LARGE1: variants seen among roughly 807,000 people sequenced by gnomAD.
The protein encoded by LARGE1 is LARGE xylosyl- and glucuronyltransferase 1.
In LARGE1, 43 loss-of-function variants were observed where a neutral mutation model predicts 87.6. The ratio of observed to expected loss-of-function variants is 0.49; its 90% CI spans 0.38 to 0.63. The LOEUF is 0.63. LARGE1 is among the 30% of genes least tolerant of loss of function. LARGE1 has a pLI of 0.00. For synonymous variants in LARGE1, 434 were observed against 394.6 expected, an observed-to-expected ratio of 1.10 and a Z score of -1.18; for missense variants, 802 against 1,000.2, an observed-to-expected ratio of 0.80 and a Z score of 2.67.
chr22:33,799,940 G>A (rs1480741303), intron 1 of LARGE1, among the ~76,000 whole-genome samples: 1 of 152,170 alleles, frequency 6.6e-6, no homozygotes, highest in Non-Finnish European at 1.5e-5. Context: ...GCTCACATGT[G>A]CATGTGGTGG....
At chr22:33,613,542 G>A (rs185359271) in intron 4 of LARGE1, among the ~76,000 whole-genome samples, 156 of 152,222 alleles carry the variant, frequency 1.0e-3, no homozygotes, top group African/African-American at 3.6e-3. Flanking sequence ...GCCCAGGCTG[G>A]AGTGCAATGG....
chr22:33,233,763 A>G (rs1926123296), intron 11 of LARGE1, among the ~76,000 whole-genome samples: 2 of 152,190 alleles, frequency 1.3e-5, no homozygotes, highest in Admixed American at 6.5e-5. Context: ...ACCAATGGAA[A>G]TTTATACATA....
chr22:33,571,063 TGA>T lies in LARGE1; in HGVS notation c.616-6046_616-6045del, dbSNP rs767155864. Among the ~76,000 whole-genome samples, 139 of 152,242 alleles carry T rather than the reference TGA, an allele frequency of 9.1e-4. 1 individual carries two copies. The highest frequency in any genetic ancestry group is 1.7e-3 in the Non-Finnish European group (118 of 68,020). On this transcript the variant is annotated intron_variant, in intron 5 of 14. Transcript: ENST00000397394. ...CGTGTAATTAAAATGATAATAAAAA[TGA>T]GAGTTAGTTTATTTTAATGGGCAGA...
chr22:33,287,369 C>T (rs1463013153), intron 12 of LARGE1, among the ~76,000 whole-genome samples: 3 of 152,188 alleles, frequency 2.0e-5, no homozygotes, highest in Non-Finnish European at 4.4e-5. Context: ...ATAGATAGCA[C>T]CAGATTCCAG....
intron 13 of LARGE1, among the ~76,000 whole-genome samples, chr22:33,279,777 T>G (rs1436131108): frequency 6.6e-6 from 1 of 152,194 alleles, no homozygotes. Flanking sequence ...AGCAGTTGCT[T>G]TTCCATTTGT....
the LARGE1 span, among the ~76,000 whole-genome samples, chr22:33,143,413 A>C: frequency 6.6e-6 from 1 of 152,198 alleles, no homozygotes; most frequent in Non-Finnish European, 1.5e-5. Flanking sequence ...ATGTTTCAAA[A>C]ATCAAGCAGA....
chr22:33,271,841 A>G (rs1276940673), downstream of LARGE1, among the ~76,000 whole-genome samples: 1 of 152,218 alleles, frequency 6.6e-6, no homozygotes, highest in Non-Finnish European at 1.5e-5. Context: ...TCCAGCCTTC[A>G]GTGAGATTGG....
chr22:33,333,372 T>C (rs1048705711), intron 10 of LARGE1, among the ~76,000 whole-genome samples: 17 of 152,130 alleles, frequency 1.1e-4, no homozygotes, highest in African/African-American at 4.1e-4. Flanking sequence ...TTTCATCCTC[T>C]ACCTTGAGTG....
intron 7 of LARGE1, among the ~76,000 whole-genome samples, chr22:33,407,796 G>A (rs1332722636): frequency 3.3e-5 from 5 of 152,092 alleles, no homozygotes; most frequent in East Asian, 1.9e-4. Flanking sequence ...CTTTGGAAGC[G>A]AAAAGGACTC....
intron 7 of LARGE1, among the ~76,000 whole-genome samples, chr22:33,387,975 C>A (rs1250388781): frequency 6.6e-6 from 1 of 152,152 alleles, no homozygotes; most frequent in East Asian, 1.9e-4. Context: ...GCCAGTATTC[C>A]CAGGGGTCTG....
At chr22:33,159,037 T>C (rs1427679646), downstream of LARGE1, among the ~76,000 whole-genome samples, 3 of 152,224 alleles carry the variant, frequency 2.0e-5, no homozygotes, top group Non-Finnish European at 4.4e-5. Context: ...TTCTCATCCC[T>C]ATAATCAAAT....
rs1260433973 is a variant in LARGE1 at position 33,586,479 on chromosome 22, G to A, written c.615+17956C>T. 2.7e-5 allele frequency among the ~76,000 whole-genome samples: 4 copies of A among 148,398 alleles called. No homozygotes were observed. In the East Asian group the frequency reaches 5.9e-4, roughly 22 times the overall value. Reference sequence around the variant, plus strand: ...TTCTTTTTTTTTTTTTTTTTCAGACGGAGTCTTGCTCTGTCGCCCAGGCTG... The same window carrying A: ...TTCTTTTTTTTTTTTTTTTTCAGACAGAGTCTTGCTCTGTCGCCCAGGCTG... On this transcript the variant is annotated intron_variant, in intron 5 of 14. Coordinates refer to ENST00000397394, the MANE Select transcript of LARGE1 (RefSeq NM_133642.5).
chr22:33,154,688 C>CT, the LARGE1 span, among the ~76,000 whole-genome samples: 96 of 151,336 alleles, frequency 6.3e-4, no homozygotes, highest in African/African-American at 1.8e-3. Flanking sequence ...ATAAGTTAGT[C>CT]TTTTTTTTTC....
chr22:33,775,503 G>C (rs967621505), intron 1 of LARGE1, among the ~76,000 whole-genome samples: 1 of 10,048 alleles, frequency 1.0e-4, no homozygotes, highest in African/African-American at 4.9e-4. Context: ...TTCTCAATAG[G>C]GGGTAATTTA....
At chr22:33,492,731 C>T (rs535420020) in intron 6 of LARGE1, among the ~76,000 whole-genome samples, 33 of 152,142 alleles carry the variant, frequency 2.2e-4, no homozygotes, top group Non-Finnish European at 8.8e-5. Flanking sequence ...ATCAATTGTG[C>T]ACATTTTAAA....
the LARGE1 span, among the ~76,000 whole-genome samples, chr22:33,098,080 G>A: frequency 5.3e-5 from 8 of 152,168 alleles, no homozygotes; most frequent in Admixed American, 1.3e-4. Context: ...GCCAAGGCAG[G>A]AAGATCTCTT....
At chr22:33,384,380 A>T in intron 7 of LARGE1, 76 bp from the exon 8 acceptor site, 1 of 1,015,432 alleles carries the variant, frequency 9.8e-7, no homozygotes, top group Non-Finnish European at 1.5e-6. Flanking sequence ...TACTCACATC[A>T]CAGCCACAGT....
Position 33,761,361 on chromosome 22 carries a change from C to T in LARGE1, c.106+10G>A. ...CCCTCCTTCCCTCTCACTTTGGCTT[C>T]CATTCTTACCTTCGAAGCTCCCAGA... On this transcript the variant is annotated intron_variant, in intron 2 of 14. Coordinates refer to ENST00000397394, the MANE Select transcript of LARGE1 (RefSeq NM_133642.5). 2.5e-6 allele frequency: 4 copies of T among 1,606,786 alleles called. No homozygotes were observed. Among genetic ancestry groups the T allele is most frequent in the Non-Finnish European group, 3.4e-6 (4 of 1,173,350 alleles).
At chr22:33,208,045 G>A (rs138089603) in intron 11 of LARGE1, among the ~76,000 whole-genome samples, 182 of 152,254 alleles carry the variant, frequency 1.2e-3, no homozygotes, top group African/African-American at 3.7e-3. Context: ...ATTGTAATAA[G>A]CCTGAAGAGG....
Sources: allele counts gnomAD v4.1 joint callset (sites outside exome capture counted in the v4.1 genomes callset), GRCh38; gene constraint gnomAD v4.1.1; transcripts MANE v1.5; gene names NCBI Gene and HGNC (gene_info 2026-07-23, HGNC 2026-07-21).